RIPOR2: variants seen among roughly 807,000 people sequenced by gnomAD.
The protein encoded by RIPOR2 is rho family-interacting cell polarization regulator 2.
A neutral mutation model predicts 114.5 loss-of-function variants in RIPOR2; 39 were observed. The observed-to-expected ratio is 0.34, with a 90% CI of 0.26 to 0.44. The LOEUF is 0.44. RIPOR2 is among the 20% of genes least tolerant of loss of function. The pLI is 1.00. For synonymous variants in RIPOR2, 445 were observed against 484.4 expected (o/e 0.92, Z 1.07); for missense variants, 1,007 against 1,255.1 (o/e 0.80, Z 2.99).
intron 9 of RIPOR2, among the ~76,000 whole-genome samples, chr6:24,850,976 A>G (rs1031986342): frequency 6.7e-5 from 10 of 150,044 alleles, no homozygotes; most frequent in African/African-American, 2.5e-4. Context: ...GCTCGCTGCA[A>G]CCTCCGCCTC....
intron 1 of RIPOR2, among the ~76,000 whole-genome samples, chr6:24,984,585 C>A (rs1774452407): frequency 6.6e-6 from 1 of 151,252 alleles, no homozygotes. Flanking sequence ...GTAGTCCTAG[C>A]TACTTGGGAG....
intron 1 of RIPOR2, among the ~76,000 whole-genome samples, chr6:24,958,486 C>A (rs115086705): frequency 6.6e-6 from 1 of 152,164 alleles, no homozygotes; most frequent in Admixed American, 6.5e-5. Flanking sequence ...TACTTCCCAG[C>A]GCATTAACTC....
intron 1 of RIPOR2, among the ~76,000 whole-genome samples, chr6:24,943,573 G>A (rs572217273): frequency 1.7e-4 from 26 of 152,274 alleles, no homozygotes; most frequent in African/African-American, 5.1e-4. Flanking sequence ...CAGAAGGCTG[G>A]AAATTAACCA....
intron 1 of RIPOR2, chr6:25,015,792 A>G (rs1365386536): frequency 6.7e-6 from 1 of 149,314 alleles, no homozygotes; most frequent in Non-Finnish European, 1.5e-5. Context: ...ATACTCATAT[A>G]TTGTAGAGGG....
chr6:24,818,628 G>C lies in RIPOR2; in HGVS notation c.2869-3C>G. ...GCTTCACAGTAATAGAGCAAGGCCT[G>C]AAAGAGAAGGAGGGACCTCATGAAG... On this transcript the variant is annotated splice_region_variant and splice_polypyrimidine_tract_variant and intron_variant, in intron 19 of 21. Coordinates refer to ENST00000643898, the MANE Select transcript of RIPOR2 (RefSeq NM_001286445.3). 3 of 1,541,012 alleles carry C rather than the reference G, an allele frequency of 1.9e-6. No individual in the cohort carries two copies. The highest frequency in any genetic ancestry group is 4.9e-5 in the East Asian group (2 of 40,748).
At chr6:24,900,211 T>C (rs1378138998) in intron 1 of RIPOR2, among the ~76,000 whole-genome samples, 1 of 152,198 alleles carries the variant, frequency 6.6e-6, no homozygotes, top group Non-Finnish European at 1.5e-5. Flanking sequence ...TTGGAGTCTG[T>C]GTATTTACAT....
At chr6:24,940,216 T>C (rs889946764), upstream of RIPOR2, among the ~76,000 whole-genome samples, 3 of 151,964 alleles carry the variant, frequency 2.0e-5, no homozygotes, top group Non-Finnish European at 4.4e-5. Context: ...TTTGCTGTTT[T>C]GAAAAAAAAT....
upstream of RIPOR2, among the ~76,000 whole-genome samples, chr6:24,938,488 C>G (rs1640512235): frequency 6.6e-6 from 1 of 152,190 alleles, no homozygotes; most frequent in Non-Finnish European, 1.5e-5. Flanking sequence ...TATACTTTCT[C>G]ATTTGGCTTG....
chr6:24,809,571 G>T, intron 21 of RIPOR2, 146 bp downstream of exon 21: 1 of 637,396 alleles, frequency 1.6e-6, no homozygotes, highest in Non-Finnish European at 2.8e-6. Context: ...CGTACTCTGT[G>T]TGTGAGAAGA....
intron 1 of RIPOR2, among the ~76,000 whole-genome samples, chr6:24,914,193 G>A (rs567952844): frequency 4.6e-5 from 7 of 151,980 alleles, no homozygotes; most frequent in Non-Finnish European, 7.4e-5. Flanking sequence ...AAAATTAGCC[G>A]GGCGTGGTGG....
Position 25,037,234 on chromosome 6 carries a change from A to C in RIPOR2, c.76+4617T>G, listed in dbSNP as rs954581401. ...CAGGCCAACAGCTAAGAAGTTGTAG[A>C]AGCAGGATTTGAAGCCAAATCTCCT... On this transcript the variant is annotated intron_variant, in intron 1 of 13. Transcript: ENST00000510784. The surrounding 1 kb of genome is among the most constrained non-coding windows in gnomAD (Gnocchi z 4.5). 1.3e-5 allele frequency among the ~76,000 whole-genome samples: 2 copies of C among 152,206 alleles called. No individual in the cohort carries two copies. Among genetic ancestry groups the C allele is most frequent in the African/African-American group, 4.8e-5 (2 of 41,450 alleles).
chr6:24,982,086 TTAA>T (rs1311413173), intron 1 of RIPOR2, among the ~76,000 whole-genome samples: 1 of 152,178 alleles, frequency 6.6e-6, no homozygotes, highest in African/African-American at 2.4e-5. Flanking sequence ...CTTTTAAAGA[TTAA>T]TAATGTTTTA....
chr6:24,880,018 T>C (rs925543988), intron 1 of RIPOR2, among the ~76,000 whole-genome samples: 2 of 152,264 alleles, frequency 1.3e-5, no homozygotes, highest in African/African-American at 4.8e-5. Flanking sequence ...TACAGTAGAA[T>C]TGCAGTATTA....
chr6:24,988,216 GTC>G (rs1309462900), intron 1 of RIPOR2, among the ~76,000 whole-genome samples: 1 of 152,110 alleles, frequency 6.6e-6, no homozygotes, highest in African/African-American at 2.4e-5. Context: ...TTGAGACAGA[GTC>G]TCTCTCTGTC....
intron 9 of RIPOR2, 121 bp downstream of exon 9, chr6:24,852,453 TG>T (rs1763052285): frequency 2.5e-6 from 2 of 787,610 alleles, no homozygotes; most frequent in Non-Finnish European, 4.2e-6. Flanking sequence ...TGGCTTAAAA[TG>T]TTTTTCAAAA....
intron 1 of RIPOR2, among the ~76,000 whole-genome samples, chr6:24,913,855 C>T (rs987474354): frequency 2.6e-5 from 4 of 152,276 alleles, no homozygotes; most frequent in African/African-American, 9.6e-5. Flanking sequence ...GTCCTTTTAA[C>T]CTCATCCAGG....
In RIPOR2 at chr6:24,839,104, T is replaced by G. The variant is rs1378359381; in HGVS notation, c.2026A>C (p.Thr676Pro). 2 of 1,551,266 alleles carry G rather than the reference T, an allele frequency of 1.3e-6. No individual in the cohort carries two copies. The highest frequency in any genetic ancestry group is 2.4e-5 in the South Asian group (2 of 84,048). The part of the protein sequence containing the change: ...GADSVFSDTE[T>P]EKHSYRSVHP... ...CTTCAGACTTACCTGTGTTTCTCAG[T>G]CTCAGTGTCTGAAAATACTGAGTCA... Residue 676 changes from threonine to proline, a missense_variant, in exon 14 of 22, where the codon ACT becomes CCT. Coordinates refer to ENST00000643898, the MANE Select transcript of RIPOR2 (RefSeq NM_001286445.3).
intron 1 of RIPOR2, among the ~76,000 whole-genome samples, chr6:24,993,396 T>G (rs1192941001): frequency 6.6e-6 from 1 of 152,260 alleles, no homozygotes; most frequent in Non-Finnish European, 1.5e-5. Flanking sequence ...AAATTAGGGT[T>G]GCAATCCATG....
rs557735600 is a variant in RIPOR2, at chr6:24,865,523, C to T, written c.502-73G>A. On this transcript the variant is annotated intron_variant, in intron 6 of 21. Coordinates refer to ENST00000643898, the MANE Select transcript of RIPOR2 (RefSeq NM_001286445.3). ...AAAATACATAGATCATTGTTACATGCTTAATTTACTTTATATTTCTGACCT... is the reference window on the plus strand; with the variant it reads ...AAAATACATAGATCATTGTTACATGTTTAATTTACTTTATATTTCTGACCT... 3.2e-6 allele frequency: 4 copies of T among 1,241,424 alleles called. No homozygotes were observed. In the South Asian group the frequency reaches 4.6e-5, roughly 14 times the overall value. The allele number at this position is 1,241,424 out of a possible 1,614,324, so 76.9% of individuals were successfully genotyped here.
Sources: allele counts gnomAD v4.1 joint callset (sites outside exome capture counted in the v4.1 genomes callset), GRCh38; gene constraint gnomAD v4.1.1; non-coding constraint Gnocchi (gnomAD v3.1); transcripts MANE v1.5; gene names NCBI Gene and HGNC (gene_info 2026-07-23, HGNC 2026-07-21).